The following KIF24 variants were observed in gnomAD, a reference collection of about 807,000 sequenced individuals.
KIF24 encodes kinesin-like protein KIF24.
In KIF24, 81 loss-of-function variants were observed where a neutral mutation model predicts 118.9. The observed-to-expected ratio is 0.68, with a 90% CI of 0.57 to 0.82. The LOEUF is 0.82. KIF24 is among the 40% of genes least tolerant of loss of function. The pLI is 0.00. For missense variants in KIF24, 1,560 were observed against 1,661.6 expected (o/e 0.94, Z 1.06); for synonymous variants, 599 against 610.0 (o/e 0.98, Z 0.27).
chr9:34,260,094 C>A (rs1353341669), intron 9 of KIF24, among the ~76,000 whole-genome samples: 1 of 152,148 alleles, frequency 6.6e-6, no homozygotes, highest in Non-Finnish European at 1.5e-5. Flanking sequence ...GTGGCACTCA[C>A]CTGTCTGTAG....
chr9:34,299,688 T>C (rs1240581545), intron 3 of KIF24, among the ~76,000 whole-genome samples: 3 of 152,146 alleles, frequency 2.0e-5, no homozygotes, highest in African/African-American at 7.2e-5. Flanking sequence ...TACACTTTTG[T>C]ACCTTTCTAT....
intron 5 of KIF24, 111 bp downstream of exon 5, chr9:34,290,063 G>A (rs950636313): frequency 1.5e-6 from 1 of 655,226 alleles, no homozygotes; most frequent in African/African-American, 1.8e-5. Context: ...TTCACAAAAG[G>A]GCACTAATGT....
intron 1 of KIF24, among the ~76,000 whole-genome samples, chr9:34,320,722 A>G (rs1314334406): frequency 6.6e-6 from 1 of 151,634 alleles, no homozygotes; most frequent in South Asian, 2.1e-4. Flanking sequence ...ATAGCTACAG[A>G]TCTCCCTTGG....
intron 3 of KIF24, among the ~76,000 whole-genome samples, chr9:34,304,723 A>G (rs1214446796): frequency 1.3e-5 from 2 of 152,224 alleles, no homozygotes; most frequent in Non-Finnish European, 2.9e-5. Context: ...AGAAAGACTC[A>G]GTGGATTACT....
chr9:34,301,860 AC>A (rs1836718822), intron 3 of KIF24, among the ~76,000 whole-genome samples: 1 of 152,074 alleles, frequency 6.6e-6, no homozygotes, highest in African/African-American at 2.4e-5. Flanking sequence ...AACCAAAATT[AC>A]AATAGAGAAC....
intron 6 of KIF24, among the ~76,000 whole-genome samples, chr9:34,277,691 T>G (rs557557056): frequency 2.0e-5 from 3 of 152,332 alleles, no homozygotes; most frequent in Admixed American, 2.0e-4. Context: ...AGAGAAGGCA[T>G]GAGGAGTTTC....
At chr9:34,308,555 A>T (rs1270338484) in intron 2 of KIF24, among the ~76,000 whole-genome samples, 1 of 152,182 alleles carries the variant, frequency 6.6e-6, no homozygotes, top group East Asian at 1.9e-4. Context: ...AAGTGCTGGG[A>T]TTAGAGGTGT....
chr9:34,270,469 T>C (rs926809923), intron 7 of KIF24, among the ~76,000 whole-genome samples: 14 of 151,386 alleles, frequency 9.2e-5, no homozygotes, highest in African/African-American at 1.5e-4. Context: ...TGAGCCGAGA[T>C]TGTGCTACTG....
At chr9:34,331,336 CTATA>C (rs1252046210), upstream of KIF24, among the ~76,000 whole-genome samples, 2 of 152,182 alleles carry the variant, frequency 1.3e-5, no homozygotes, top group Admixed American at 1.3e-4. Flanking sequence ...GTCAGACCCT[CTATA>C]TATGTCATTT....
At chr9:34,267,397 A>G (rs887510321) in intron 8 of KIF24, among the ~76,000 whole-genome samples, 2 of 152,182 alleles carry the variant, frequency 1.3e-5, no homozygotes, top group South Asian at 2.1e-4. Context: ...GACATTCTCT[A>G]TCTCCTAATG....
At chr9:34,286,944 A>G (rs1376181126) in intron 5 of KIF24, among the ~76,000 whole-genome samples, 1 of 152,146 alleles carries the variant, frequency 6.6e-6, no homozygotes, top group African/African-American at 2.4e-5. Context: ...GCACATATCT[A>G]AACTATGCTA....
intron 5 of KIF24, among the ~76,000 whole-genome samples, chr9:34,289,701 A>G (rs1222553756): frequency 1.3e-5 from 2 of 152,246 alleles, no homozygotes. Context: ...TAAGCCTAAC[A>G]AGGGTTAAAA....
intron 6 of KIF24, among the ~76,000 whole-genome samples, chr9:34,272,670 T>G (rs1377625571): frequency 6.6e-6 from 1 of 152,218 alleles, no homozygotes; most frequent in Non-Finnish European, 1.5e-5. Context: ...TTACCCAGGC[T>G]GGAGTGCAGT....
intron 6 of KIF24, among the ~76,000 whole-genome samples, chr9:34,275,251 A>G (rs77831840): frequency 0.01 from 1,587 of 152,022 alleles, 22 homozygotes; most frequent in African/African-American, 0.032. Context: ...AAAATTAGCC[A>G]GGTATGGTGA....
At chr9:34,310,482 T>C (rs770287155) in intron 2 of KIF24, among the ~76,000 whole-genome samples, 3 of 152,208 alleles carry the variant, frequency 2.0e-5, no homozygotes, top group African/African-American at 4.8e-5. Context: ...TCCTGGCAAG[T>C]AGCAGCTGTT....
intron 6 of KIF24, among the ~76,000 whole-genome samples, chr9:34,281,452 A>G (rs560404841): frequency 6.6e-6 from 1 of 152,294 alleles, no homozygotes; most frequent in African/African-American, 2.4e-5. Context: ...TAGCTATGTG[A>G]TTCTGGGTTA....
At chr9:34,260,988 A>G (rs1009953886) in intron 9 of KIF24, among the ~76,000 whole-genome samples, 1 of 152,102 alleles carries the variant, frequency 6.6e-6, no homozygotes, top group African/African-American at 2.4e-5. Context: ...AAATAAATAA[A>G]TAAGTAAAAA....
chr9:34,287,742 A>C (rs1296432795), intron 5 of KIF24, among the ~76,000 whole-genome samples: 1 of 152,130 alleles, frequency 6.6e-6, no homozygotes, highest in Admixed American at 6.6e-5. Flanking sequence ...GAGTAAAAGA[A>C]TCTAGCCGTT....
At chr9:34,270,753 C>T (rs150632962) in intron 7 of KIF24, among the ~76,000 whole-genome samples, 1 of 151,574 alleles carries the variant, frequency 6.6e-6, no homozygotes, top group East Asian at 1.9e-4. Context: ...CCACCATCAG[C>T]CTACCACTTA....
Sources: gnomAD v4.1 joint callset for allele counts (sites outside exome capture counted in the v4.1 genomes callset) on GRCh38, gnomAD v4.1.1 for gene constraint, MANE v1.5 for transcripts, NCBI Gene and HGNC (gene_info 2026-07-23, HGNC 2026-07-21) for gene names.